AKAP19: variants seen among roughly 807,000 people sequenced by gnomAD.
The protein encoded by AKAP19 is small A-kinase anchoring protein.
At chr2:190,053,257 G>A in the AKAP19 span, among the ~76,000 whole-genome samples, 4 of 151,976 alleles carry the variant, frequency 2.6e-5, no homozygotes, top group South Asian at 2.1e-4. Context: ...TTATGTCTGG[G>A]CAGCCTCATA....
the AKAP19 span, among the ~76,000 whole-genome samples, chr2:189,915,442 C>A: frequency 6.6e-6 from 1 of 152,036 alleles, no homozygotes; most frequent in African/African-American, 2.4e-5. Context: ...TTTGTTATAT[C>A]ATTTGTCATA....
At chr2:190,154,863 G>T in the AKAP19 span, among the ~76,000 whole-genome samples, 1 of 152,210 alleles carries the variant, frequency 6.6e-6, no homozygotes, top group African/African-American at 2.4e-5. Context: ...CTGTGAGGTG[G>T]ACTGCCTGTG....
the AKAP19 span, among the ~76,000 whole-genome samples, chr2:190,114,158 A>T: frequency 6.6e-6 from 1 of 152,172 alleles, no homozygotes; most frequent in South Asian, 2.1e-4. Flanking sequence ...TCATACTTTG[A>T]TCTATATCCA....
the AKAP19 span, among the ~76,000 whole-genome samples, chr2:190,188,416 T>C: frequency 6.6e-6 from 1 of 152,234 alleles, no homozygotes; most frequent in African/African-American, 2.4e-5. Flanking sequence ...CTGGTTGATA[T>C]GCAGCATTTA....
the AKAP19 span, chr2:189,917,443 C>G: frequency 8.1e-5 from 61 of 750,266 alleles, no homozygotes; most frequent in Non-Finnish European, 1.2e-4. Flanking sequence ...TTTTTTCTAG[C>G]TCGATGTTTT....
chr2:190,014,639 G>A, the AKAP19 span, among the ~76,000 whole-genome samples: 7 of 151,196 alleles, frequency 4.6e-5, no homozygotes, highest in Admixed American at 1.3e-4. Context: ...GTCCTCAAAT[G>A]TCCTTTTTTT....
chr2:189,945,247 C>T, the AKAP19 span, among the ~76,000 whole-genome samples: 1 of 152,180 alleles, frequency 6.6e-6, no homozygotes, highest in South Asian at 2.1e-4. Flanking sequence ...GAGATCAGAG[C>T]AGAAATAAAT....
At chr2:190,067,098 T>C in the AKAP19 span, among the ~76,000 whole-genome samples, 2 of 152,154 alleles carry the variant, frequency 1.3e-5, no homozygotes, top group East Asian at 1.9e-4. Context: ...TTTTTTTGTG[T>C]CAGTTATATC....
the AKAP19 span, among the ~76,000 whole-genome samples, chr2:190,197,654 G>A: frequency 6.6e-6 from 1 of 152,182 alleles, no homozygotes; most frequent in South Asian, 2.1e-4. The surrounding 1 kb of genome is among the most constrained non-coding windows in gnomAD (Gnocchi z 4.0). Context: ...CCATCTGTGG[G>A]ATTTAACATC....
chr2:190,064,473 G>C, the AKAP19 span, among the ~76,000 whole-genome samples: 1 of 152,010 alleles, frequency 6.6e-6, no homozygotes, highest in Non-Finnish European at 1.5e-5. Context: ...TCTGGAGTCA[G>C]ATAGACCTGA....
chr2:189,916,751 C>A, the AKAP19 span, among the ~76,000 whole-genome samples: 3 of 152,142 alleles, frequency 2.0e-5, no homozygotes, highest in Admixed American at 1.3e-4. Flanking sequence ...CATTTTAATT[C>A]TCTGAATTGT....
the AKAP19 span, among the ~76,000 whole-genome samples, chr2:189,959,631 G>C: frequency 2.0e-5 from 3 of 152,164 alleles, no homozygotes; most frequent in Non-Finnish European, 2.9e-5. Context: ...ACACAAACAT[G>C]TTGGCCACCT....
the AKAP19 span, among the ~76,000 whole-genome samples, chr2:189,949,666 A>G: frequency 1.6e-5 from 2 of 122,302 alleles, no homozygotes; most frequent in African/African-American, 3.2e-5. Flanking sequence ...GATGAGTCTC[A>G]CTCTCACCAG....
At chr2:189,972,357 C>T in the AKAP19 span, among the ~76,000 whole-genome samples, 1 of 152,096 alleles carries the variant, frequency 6.6e-6, no homozygotes, top group African/African-American at 2.4e-5. Context: ...GTTTTGGTAC[C>T]AGTACCATGC....
the AKAP19 span, among the ~76,000 whole-genome samples, chr2:189,935,645 G>A: frequency 1.3e-5 from 2 of 152,018 alleles, no homozygotes; most frequent in Admixed American, 1.3e-4. Context: ...ACTGCTTGTA[G>A]CAAATTTAGT....
chr2:189,962,670 G>T, the AKAP19 span, among the ~76,000 whole-genome samples: 2 of 152,066 alleles, frequency 1.3e-5, no homozygotes, highest in Admixed American at 6.6e-5. Flanking sequence ...GGGGATAAAG[G>T]CTGACAATTA....
At chr2:190,087,595 C>A in the AKAP19 span, among the ~76,000 whole-genome samples, 1 of 152,210 alleles carries the variant, frequency 6.6e-6, no homozygotes, top group African/African-American at 2.4e-5. Context: ...TTTAACCATT[C>A]CTCAAATTCT....
At chr2:190,021,847 T>C in the AKAP19 span, among the ~76,000 whole-genome samples, 1 of 152,238 alleles carries the variant, frequency 6.6e-6, no homozygotes, top group East Asian at 1.9e-4. Flanking sequence ...TATAACAGAA[T>C]ACCTGAAGGT....
chr2:190,192,238 C>T, the AKAP19 span, among the ~76,000 whole-genome samples: 1 of 151,970 alleles, frequency 6.6e-6, no homozygotes, highest in South Asian at 2.1e-4. Context: ...TGTTTTTGGA[C>T]ATGTCAAGTA....
Sources: gnomAD v4.1 joint callset for allele counts (sites outside exome capture counted in the v4.1 genomes callset) on GRCh38, gnomAD v4.1.1 for gene constraint, Gnocchi (gnomAD v3.1) non-coding constraint, MANE v1.5 for transcripts, NCBI Gene and HGNC (gene_info 2026-07-23, HGNC 2026-07-21) for gene names.